The following PLA1A variants were observed in gnomAD, a reference collection of about 807,000 sequenced individuals.
The protein encoded by PLA1A is phosphatidylserine-specific phospholipase A1alpha.
PLA1A carries 47 observed loss-of-function variants against 49.4 expected under a neutral mutation model. The observed-to-expected ratio is 0.95, with a 90% CI of 0.75 to 1.21. The LOEUF is 1.21. Ranked by LOEUF, PLA1A falls within the 50% of genes most tolerant of loss-of-function variation. The probability of loss-of-function intolerance (pLI) is 0.00; values close to 1 mark genes in which losing one functional copy is unlikely to be tolerated. For synonymous variants in PLA1A, 224 were observed against 207.9 expected (o/e 1.08, Z -0.67); for missense variants, 561 against 563.9 (o/e 0.99, Z 0.05).
chr3:119,608,890 T>A lies in PLA1A; in HGVS notation c.396T>A (p.Ala132=). The stretch of plus-strand genomic sequence containing the variant: ...GGTCTACAGGAGTCTACTTCTCAGC[T>A]GTGAAAAATGTGATTAAGTTGAGCC... ...IYGSTGVYFS[A]VKNVIKLSLE... Residue 132 remains alanine, a synonymous_variant, in exon 3 of 11, where the codon GCT becomes GCA. Transcript: ENST00000273371. 1.2e-6 allele frequency: 2 copies of A among 1,614,034 alleles called. No homozygotes were observed. The highest frequency in any genetic ancestry group is 1.7e-6 in the Non-Finnish European group (2 of 1,179,890).
chr3:119,608,226 G>GAGAA (rs1553790708), intron 2 of PLA1A, among the ~76,000 whole-genome samples: 1 of 109,782 alleles, frequency 9.1e-6, no homozygotes, highest in African/African-American at 3.4e-5. Flanking sequence ...AAGAAAGAAA[G>GAGAA]AGAGAGAAAG....
At chr3:119,604,726 A>T (rs1402678741) in intron 1 of PLA1A, among the ~76,000 whole-genome samples, 1 of 152,210 alleles carries the variant, frequency 6.6e-6, no homozygotes, top group African/African-American at 2.4e-5. Context: ...TGAATATAAA[A>T]AATTTTTAAA....
At chr3:119,601,097 G>T (rs990332659) in intron 1 of PLA1A, among the ~76,000 whole-genome samples, 1 of 152,234 alleles carries the variant, frequency 6.6e-6, no homozygotes, top group Non-Finnish European at 1.5e-5. Flanking sequence ...TGATAACAAA[G>T]TGTCTGATGT....
chr3:119,598,373 A>AT (rs1184653915), intron 1 of PLA1A, among the ~76,000 whole-genome samples: 1 of 152,290 alleles, frequency 6.6e-6, no homozygotes, highest in African/African-American at 2.4e-5. Context: ...ACTAATAATG[A>AT]TTTTGTCACT....
At position 119,601,403 on chromosome 3, in the gene PLA1A, C is replaced by A. The variant is rs188353231; in HGVS notation, c.73+3417C>A. On this transcript the variant is annotated intron_variant, in intron 1 of 10. Transcript: ENST00000273371. ...TTATGGAAACATGGGTGTTACCAGG[C>A]CTTACTCACCCTTCTCTAACACTTC... 1.4e-4 allele frequency among the ~76,000 whole-genome samples: 21 copies of A among 152,244 alleles called. 3 individuals are homozygous for A. The highest frequency in any genetic ancestry group is 4.8e-4 in the African/African-American group (20 of 41,534).
chr3:119,602,120 C>T (rs115822531), intron 1 of PLA1A, among the ~76,000 whole-genome samples: 5 of 152,116 alleles, frequency 3.3e-5, no homozygotes, highest in African/African-American at 9.6e-5. Context: ...TGAAAGTAGC[C>T]TTTAGTTTTT....
At chr3:119,627,492 T>C (rs575700579) in intron 9 of PLA1A, among the ~76,000 whole-genome samples, 2 of 152,304 alleles carry the variant, frequency 1.3e-5, no homozygotes, top group South Asian at 2.1e-4. Context: ...AAATTATACA[T>C]GATCTTCCCT....
intron 4 of PLA1A, among the ~76,000 whole-genome samples, chr3:119,611,746 G>C (rs2082766776): frequency 6.6e-6 from 1 of 152,200 alleles, no homozygotes; most frequent in African/African-American, 2.4e-5. Flanking sequence ...ATCAGGTCTA[G>C]AAGTCTTTGG....
intron 6 of PLA1A, 118 bp from the exon 7 acceptor site, chr3:119,617,901 G>T: frequency 1.5e-6 from 1 of 659,272 alleles, no homozygotes; most frequent in Non-Finnish European, 2.6e-6. Context: ...GATTTGAGGG[G>T]ACTCCCATGC....
chr3:119,598,345 A>G (rs1560073992), intron 1 of PLA1A, among the ~76,000 whole-genome samples: 1 of 152,204 alleles, frequency 6.6e-6, no homozygotes. Flanking sequence ...ATTTAATTTT[A>G]AAATTTAGGT....
intron 4 of PLA1A, among the ~76,000 whole-genome samples, chr3:119,611,303 CT>C (rs2082762030): frequency 6.6e-6 from 1 of 151,972 alleles, no homozygotes; most frequent in East Asian, 1.9e-4. Context: ...TATTTGGGTT[CT>C]TTTTTTGTGC....
intron 1 of PLA1A, among the ~76,000 whole-genome samples, chr3:119,604,048 G>A (rs974937168): frequency 7.2e-5 from 11 of 152,150 alleles, no homozygotes; most frequent in African/African-American, 2.7e-4. Flanking sequence ...GATATGTGCT[G>A]GTTTTATTGT....
intron 1 of PLA1A, among the ~76,000 whole-genome samples, chr3:119,599,479 A>G (rs1027626296): frequency 7.2e-5 from 11 of 152,094 alleles, no homozygotes; most frequent in Non-Finnish European, 1.0e-4. Context: ...GCTGGAAGGC[A>G]TTTGCTAGTT....
chr3:119,629,458 C>A lies in PLA1A; in HGVS notation c.1361C>A (p.Ala454Asp), dbSNP rs754884009. 4 of 1,594,940 alleles carry A rather than the reference C, an allele frequency of 2.5e-6. No homozygotes were observed. Among genetic ancestry groups the A allele is most frequent in the Non-Finnish European group, 2.6e-6 (3 of 1,163,816 alleles). Residue 454 changes from alanine to aspartate, a missense_variant, in exon 11 of 11, where the codon GCC (alanine) becomes GAC (aspartate). Transcript: ENST00000273371. The part of the protein sequence containing the change: ...SVTVSCDLKI[A>D]CV ...ACTGTTTCCTGTGACCTGAAGATAG[C>A]CTGTGTGTAGTTTAACCTGGGCAGG...
intron 1 of PLA1A, 22 bp from the exon 2 acceptor site, chr3:119,606,752 G>T (rs2082693948): frequency 6.3e-7 from 1 of 1,591,330 alleles, no homozygotes; most frequent in Non-Finnish European, 8.6e-7. Context: ...GATGTTGCTT[G>T]TTTTGTTTTG....
At chr3:119,612,167 C>T (rs965265308) in intron 4 of PLA1A, among the ~76,000 whole-genome samples, 1 of 152,222 alleles carries the variant, frequency 6.6e-6, no homozygotes, top group Non-Finnish European at 1.5e-5. Flanking sequence ...AACCTACTCA[C>T]TACTATTTTC....
intron 7 of PLA1A, 21 bp downstream of exon 7, chr3:119,618,207 C>T (rs1227521663): frequency 1.3e-6 from 2 of 1,588,642 alleles, no homozygotes; most frequent in Non-Finnish European, 1.7e-6. Context: ...ACCCCTTTGA[C>T]TTCCTTTGAC....
chr3:119,618,138 C>G lies in PLA1A; in HGVS notation c.874C>G (p.Arg292Gly). The change falls in exon 7 of 11, where the codon CGC (arginine) becomes GGC (glycine). Residue 292 changes from arginine (R) to glycine (G), a missense_variant. Arg to Gly is a moderately radical substitution (Grantham distance 125, BLOSUM62 -2). Coordinates refer to ENST00000273371, the MANE Select transcript of PLA1A (RefSeq NM_015900.4). ...CASYKAFLAG[R>G]CLDCFNPFLL... ...CAGCTACAAGGCCTTCCTTGCTGGA[C>G]GCTGTCTGGATTGCTTTAACCCTTT... The G allele has an allele frequency of 1.2e-6, 2 of 1,614,054 alleles. No individual in the cohort carries two copies. The highest frequency in any genetic ancestry group is 1.7e-6 in the Non-Finnish European group (2 of 1,179,936).
Position 119,622,161 on chromosome 3 carries a change from A to G in PLA1A, c.1012+2509A>G, listed in dbSNP as rs935971464. Among the ~76,000 whole-genome samples, 179 of 86,502 alleles carry G rather than the reference A, an allele frequency of 2.1e-3. 1 individual carries two copies. The highest frequency in any genetic ancestry group is 7.8e-3 in the African/African-American group (168 of 21,424). 56.7% of individuals were successfully genotyped at this position (86,502 alleles called of 152,430 possible). ...AGGAGGAGGAGGAGGAAGAAGAAGA[A>G]GAAGAAGAAGAAGAAGAAGAAGAAG... On this transcript the variant is annotated intron_variant, in intron 8 of 10. Transcript: ENST00000273371.
Sources: allele counts gnomAD v4.1 joint callset (sites outside exome capture counted in the v4.1 genomes callset), GRCh38; gene constraint gnomAD v4.1.1; transcripts MANE v1.5; gene names NCBI Gene and HGNC (gene_info 2026-07-23, HGNC 2026-07-21).